Variants in TLR4 observed in about 807,000 individuals in gnomAD.
TLR4 encodes toll-like receptor 4.
TLR4 carries 17 observed loss-of-function variants against 27.4 expected under a neutral mutation model. That is an observed-to-expected ratio of 0.62 (90% CI 0.42 to 0.93). The LOEUF (loss-of-function observed/expected upper bound fraction) is 0.93, where lower values mean the gene tolerates loss of function less well. Ranked by LOEUF, TLR4 falls within the 40% of genes least tolerant of loss-of-function variation. The probability of loss-of-function intolerance (pLI) is 0.00; values close to 1 mark genes in which losing one functional copy is unlikely to be tolerated. For missense variants in TLR4, 926 were observed against 962.3 expected, an observed-to-expected ratio of 0.96 and a Z score of 0.50; for synonymous variants, 363 against 365.7, an observed-to-expected ratio of 0.99 and a Z score of 0.08.
intron 2 of TLR4, 107 bp from the exon 3 acceptor site, chr9:117,712,282 T>C (rs572819677): frequency 8.9e-7 from 1 of 1,123,042 alleles, no homozygotes; most frequent in Admixed American, 2.0e-5. Context: ...CACAATCATA[T>C]GACCCATCAC....
In TLR4 at chr9:117,714,387, T is replaced by C. The variant is rs1346152331; in HGVS notation, c.2259T>C (p.Ile753=). ...GCTGGTGTATCTTTGAATATGAGAT[T>C]GCTCAGACCTGGCAGTTTCTGAGCA... The part of the protein sequence containing the change: ...QSRWCIFEYE[I]AQTWQFLSSR... The change falls in exon 3 of 3, where the codon ATT becomes ATC. Residue 753 remains isoleucine (I), a synonymous_variant. Coordinates refer to ENST00000355622, the MANE Select transcript of TLR4 (RefSeq NM_138554.5). 2 of 1,607,750 alleles carry C rather than the reference T, an allele frequency of 1.2e-6. No individual in the cohort carries two copies. The highest frequency in any genetic ancestry group is 3.3e-5 in the Admixed American group (2 of 59,928).
chr9:117,712,290 C>T, intron 2 of TLR4, 99 bp from the exon 3 acceptor site: 1 of 1,202,926 alleles, frequency 8.3e-7, no homozygotes, highest in Non-Finnish European at 1.2e-6. Context: ...TATGACCCAT[C>T]ACATCTGTAT....
chr9:117,714,363 C>T lies in TLR4; in HGVS notation c.2235C>T (p.Arg745=). The part of the protein sequence containing the change: ...VVVSQHFIQS[R]WCIFEYEIAQ... ...TGTCCCAGCACTTCATCCAGAGCCG[C>T]TGGTGTATCTTTGAATATGAGATTG... is the stretch of plus-strand genomic sequence containing the variant. The change falls in exon 3 of 3, where the codon CGC becomes CGT. Residue 745 remains arginine, a synonymous_variant. Coordinates refer to ENST00000355622, the MANE Select transcript of TLR4 (RefSeq NM_138554.5). 1 of 1,602,662 alleles carries T rather than the reference C, an allele frequency of 6.2e-7. No individual in the cohort carries two copies. Among genetic ancestry groups the T allele is most frequent in the South Asian group, 1.1e-5 (1 of 90,936 alleles).
intron 2 of TLR4, 94 bp downstream of exon 2, chr9:117,708,823 A>G (rs1829182022): frequency 1.4e-6 from 2 of 1,471,532 alleles, no homozygotes; most frequent in South Asian, 1.1e-5. Context: ...GTGGAGTCTC[A>G]TCTTCATTCA....
rs1166074254 is a variant in TLR4 at position 117,714,590 on chromosome 9, G to A, written c.2462G>A (p.Trp821Ter). ...AAAGCCCTGCTGGATGGTAAATCAT[G>A]GAATCCAGAAGGAACAGTGGGTACA... ...LRKALLDGKSWNPEGTVGTGC... is the reference protein window; with the variant it reads ...LRKALLDGKS Residue 821 changes from tryptophan (W) to a stop codon, truncating the protein, a stop_gained, in exon 3 of 3, where the codon TGG (tryptophan) becomes TAG (stop). Transcript: ENST00000355622. LOFTEE classifies it low-confidence loss of function (END_TRUNC). 3 of 1,613,714 alleles carry A rather than the reference G, an allele frequency of 1.9e-6. No homozygotes were observed. The highest frequency in any genetic ancestry group is 2.5e-6 in the Non-Finnish European group (3 of 1,179,980).
intron 2 of TLR4, among the ~76,000 whole-genome samples, chr9:117,709,747 A>G (rs1167458313): frequency 6.6e-6 from 1 of 152,146 alleles, no homozygotes; most frequent in East Asian, 1.9e-4. Context: ...GAGTGAGCAT[A>G]CGACCTATTA....
chr9:117,705,404 T>C (rs1218652084), intron 1 of TLR4, among the ~76,000 whole-genome samples: 1 of 152,200 alleles, frequency 6.6e-6, no homozygotes, highest in Non-Finnish European at 1.5e-5. Flanking sequence ...TCAAGTAATA[T>C]TTAGCAAAGA....
At chr9:117,708,287 T>C (rs1829169932) in intron 1 of TLR4, 1 of 1,226,198 alleles carries the variant, frequency 8.2e-7, no homozygotes, top group East Asian at 4.4e-5. Context: ...ATTCCATTGC[T>C]TCTTGCTAAA....
chr9:117,710,240 C>G (rs1377118823), intron 2 of TLR4, among the ~76,000 whole-genome samples: 1 of 151,912 alleles, frequency 6.6e-6, no homozygotes, highest in African/African-American at 2.4e-5. Context: ...CTAGTAATCC[C>G]CAGGGTCTAT....
In TLR4 at chr9:117,721,180, C is replaced by A. The variant is rs929751864; in HGVS notation, c.*6532C>A. The A allele has an allele frequency of 3.9e-5, 6 of 152,184 alleles. No individual in the cohort carries two copies. The highest frequency in any genetic ancestry group is 1.4e-4 in the African/African-American group (6 of 41,462). 9.4% of individuals were successfully genotyped at this position (152,184 alleles called of 1,614,324 possible). A position where few individuals can be genotyped will look rare whatever the true frequency, so the allele number is the denominator to read the frequency against. On this transcript the variant is annotated 3_prime_UTR_variant, in exon 3 of 3. Coordinates refer to ENST00000355622, the MANE Select transcript of TLR4 (RefSeq NM_138554.5). ...TAGTCTGGGCTGTTAGCGTAACCAT[C>A]AACTGAACAGTGTACTTTGTACCTA...
intron 1 of TLR4, among the ~76,000 whole-genome samples, chr9:117,706,393 C>T (rs1294675377): frequency 1.3e-5 from 2 of 151,980 alleles, no homozygotes; most frequent in South Asian, 2.1e-4. Context: ...TGTTTATTTT[C>T]TCTCTCTCCC....
chr9:117,704,684 C>T (rs967221865), intron 1 of TLR4, 119 bp downstream of exon 1: 8 of 857,222 alleles, frequency 9.3e-6, no homozygotes, highest in Non-Finnish European at 1.5e-5. Context: ...ACCTTAAAGA[C>T]TCAAGAAGCC....
Position 117,712,396 on chromosome 9 carries a change from A to C in TLR4, c.268A>C (p.Ile90Leu), listed in dbSNP as rs1168874908. Residue 90 changes from isoleucine (I) to leucine (L), a missense_variant, in exon 3 of 3, where the codon ATC becomes CTC. Transcript: ENST00000355622. ...LQVLDLSRCE[I>L]QTIEDGAYQS... Reference sequence around the variant, plus strand: ...GTCTTTTTATTCCTGTAGGTGTGAAATCCAGACAATTGAAGATGGGGCATA... The same window carrying C: ...GTCTTTTTATTCCTGTAGGTGTGAACTCCAGACAATTGAAGATGGGGCATA... The C allele has an allele frequency of 6.2e-7, 1 of 1,613,602 alleles. No individual in the cohort carries two copies. Among genetic ancestry groups the C allele is most frequent in the Non-Finnish European group, 8.5e-7 (1 of 1,179,794 alleles).
chr9:117,713,482 C>T lies in TLR4; in HGVS notation c.1354C>T (p.Leu452Phe), dbSNP rs1564266246. The change falls in exon 3 of 3, where the codon CTT becomes TTT. Residue 452 changes from leucine to phenylalanine, a missense_variant. Coordinates refer to ENST00000355622, the MANE Select transcript of TLR4 (RefSeq NM_138554.5). Reference protein sequence around the residue: ...VFLSLRNLIYLDISHTHTRVA... With the variant: ...VFLSLRNLIYFDISHTHTRVA... ...CCTATCACTCAGAAACCTCATTTAC[C>T]TTGACATTTCTCATACTCACACCAG... 3.1e-6 allele frequency: 5 copies of T among 1,614,060 alleles called. No homozygotes were observed. In the East Asian group the frequency reaches 1.1e-4, roughly 36 times the overall value.
rs1227708044 is a variant in TLR4 at position 117,723,746 on chromosome 9, A to G, written c.*9098A>G. ...AGTCTCCTCTATTTCAGCAATGTGT[A>G]TACTTGGTCAGTTTTAATTATCTTA... On this transcript the variant is annotated 3_prime_UTR_variant, in exon 3 of 3. Transcript: ENST00000355622. 2.0e-5 allele frequency: 3 copies of G among 152,182 alleles called. No homozygotes were observed. 9.4% of individuals were successfully genotyped at this position (152,182 alleles called of 1,614,324 possible).
intron 2 of TLR4, among the ~76,000 whole-genome samples, chr9:117,712,104 G>C (rs1312002929): frequency 6.6e-6 from 1 of 151,928 alleles, no homozygotes; most frequent in Non-Finnish European, 1.5e-5. Flanking sequence ...GTCAATTATT[G>C]ATCTTTAACT....
Position 117,723,151 on chromosome 9 carries a change from A to C in TLR4, c.*8503A>C, listed in dbSNP as rs962979345. On this transcript the variant is annotated 3_prime_UTR_variant, in exon 3 of 3. Coordinates refer to ENST00000355622, the MANE Select transcript of TLR4 (RefSeq NM_138554.5). ...CTATAAATTGTGGCAATTGGAGTAAATGTCCATTCCAGGAATTCTATTCTA... is the reference window on the plus strand; with the variant it reads ...CTATAAATTGTGGCAATTGGAGTAACTGTCCATTCCAGGAATTCTATTCTA... 3 of 152,186 alleles carry C rather than the reference A, an allele frequency of 2.0e-5. No individual in the cohort carries two copies. The highest frequency in any genetic ancestry group is 4.8e-5 in the African/African-American group (2 of 41,432). The allele number at this position is 152,186 out of a possible 1,614,324, so 9.4% of individuals were successfully genotyped here.
rs1038463767 is a variant in TLR4, at chr9:117,714,331, G to T, written c.2203G>T (p.Val735Phe). The change falls in exon 3 of 3, where the codon GTT (valine) becomes TTT (phenylalanine). Residue 735 changes from valine to phenylalanine, a missense_variant. By Grantham distance (50) the Val-to-Phe change is conservative. Coordinates refer to ENST00000355622, the MANE Select transcript of TLR4 (RefSeq NM_138554.5). The part of the protein sequence containing the change: ...EGFHKSRKVI[V>F]VVSQHFIQSR... Reference sequence around the variant, plus strand: ...TTTCCATAAAAGCCGAAAGGTGATTGTTGTGGTGTCCCAGCACTTCATCCA... The same window carrying T: ...TTTCCATAAAAGCCGAAAGGTGATTTTTGTGGTGTCCCAGCACTTCATCCA... 52 of 1,598,976 alleles carry T rather than the reference G, an allele frequency of 3.3e-5. No homozygotes were observed. The highest frequency in any genetic ancestry group is 4.5e-5 in the Non-Finnish European group (52 of 1,168,162).
Position 117,720,988 on chromosome 9 carries a change from A to T in TLR4, c.*6340A>T, listed in dbSNP as rs1039082759. ...AGACACTATATAAAAATATAGAGTT[A>T]AAAAAACTATTTAAAAAAAAGACAA... On this transcript the variant is annotated 3_prime_UTR_variant, in exon 3 of 3. Coordinates refer to ENST00000355622, the MANE Select transcript of TLR4 (RefSeq NM_138554.5). 25 of 152,190 alleles carry T rather than the reference A, an allele frequency of 1.6e-4. No individual in the cohort carries two copies. Among genetic ancestry groups the T allele is most frequent in the East Asian group, 1.9e-4 (1 of 5,202 alleles). 9.4% of individuals were successfully genotyped at this position (152,190 alleles called of 1,614,324 possible).
Sources: allele counts gnomAD v4.1 joint callset (sites outside exome capture counted in the v4.1 genomes callset), GRCh38; gene constraint gnomAD v4.1.1; transcripts MANE v1.5; gene names NCBI Gene and HGNC (gene_info 2026-07-23, HGNC 2026-07-21).